Variants in BCL2L14 observed in about 807,000 individuals in gnomAD.
BCL2L14 encodes apoptosis facilitator Bcl-2-like protein 14.
BCL2L14 carries 27 observed loss-of-function variants against 35.3 expected under a neutral mutation model. That is an observed-to-expected ratio of 0.76 (90% confidence interval 0.56 to 1.05). BCL2L14 has a LOEUF of 1.05. Among genes scored for constraint, BCL2L14 ranks in the 50% least tolerant of loss-of-function variants. The pLI is 0.00. For synonymous variants in BCL2L14, 139 were observed against 145.9 expected (o/e 0.95, Z 0.34); for missense variants, 377 against 382.6 (o/e 0.99, Z 0.12).
chr12:12,053,706 T>C (rs1298399485), intron 2 of BCL2L14, among the ~76,000 whole-genome samples: 1 of 152,162 alleles, frequency 6.6e-6, no homozygotes, highest in Non-Finnish European at 1.5e-5. Context: ...TGAGCCACCA[T>C]GCCCAGCCGG....
At chr12:12,066,364 C>T (rs141169808), upstream of BCL2L14, among the ~76,000 whole-genome samples, 1 of 152,258 alleles carries the variant, frequency 6.6e-6, no homozygotes, top group Non-Finnish European at 1.5e-5. Context: ...ATCTGGTGTC[C>T]ACTCTAAAAT....
intron 2 of BCL2L14, among the ~76,000 whole-genome samples, chr12:12,062,033 AGTG>A (rs1487425375): frequency 6.6e-6 from 1 of 152,100 alleles, no homozygotes; most frequent in Admixed American, 6.5e-5. Context: ...GTCTCCGTGC[AGTG>A]GCTGCTGCCG....
At chr12:12,085,525 T>A (rs1949023047) in intron 2 of BCL2L14, among the ~76,000 whole-genome samples, 1 of 152,342 alleles carries the variant, frequency 6.6e-6, no homozygotes, top group South Asian at 2.1e-4. Context: ...AAGACATTGA[T>A]CCTTTTCTTC....
intron 2 of BCL2L14, among the ~76,000 whole-genome samples, chr12:12,063,110 A>G (rs903762077): frequency 1.3e-5 from 2 of 151,698 alleles, no homozygotes; most frequent in Non-Finnish European, 2.9e-5. Context: ...TGCCCCAAAA[A>G]ACTTGTCATC....
At chr12:12,085,828 C>G (rs1336070314) in intron 2 of BCL2L14, among the ~76,000 whole-genome samples, 1 of 152,174 alleles carries the variant, frequency 6.6e-6, no homozygotes, top group Non-Finnish European at 1.5e-5. Flanking sequence ...ACTTGCCTCT[C>G]TTACCTCCAG....
chr12:12,080,619 CAAA>C (rs36081910), intron 2 of BCL2L14, among the ~76,000 whole-genome samples: 13 of 95,366 alleles, frequency 1.4e-4, no homozygotes, highest in Non-Finnish European at 1.4e-4. Context: ...GACTTTGTCT[CAAA>C]AAAAAAAAAA....
In BCL2L14 at chr12:12,094,659, C is replaced by A; in HGVS notation, c.679-5C>A. ...TGTACTGAGTGCTTATTCTTTTGTA[C>A]ACAGCTGAAGAAAGATAAGGCTTTG... On this transcript the variant is annotated splice_region_variant and splice_polypyrimidine_tract_variant and intron_variant, in intron 4 of 5. Transcript: ENST00000308721. The A allele has an allele frequency of 1.2e-6, 2 of 1,614,120 alleles. No individual in the cohort carries two copies. Among genetic ancestry groups the A allele is most frequent in the Non-Finnish European group, 1.7e-6 (2 of 1,179,994 alleles).
chr12:12,080,656 G>T (rs1948900200), intron 2 of BCL2L14, among the ~76,000 whole-genome samples: 1 of 151,842 alleles, frequency 6.6e-6, no homozygotes, highest in South Asian at 2.1e-4. Flanking sequence ...CCTAACCAGG[G>T]GCTTGCTTGG....
At chr12:12,089,555 G>A (rs1252459048) in intron 3 of BCL2L14, among the ~76,000 whole-genome samples, 4 of 151,352 alleles carry the variant, frequency 2.6e-5, no homozygotes, top group Non-Finnish European at 4.4e-5. Flanking sequence ...AAAATTAGCC[G>A]GGTGTGGTGG....
chr12:12,083,221 C>G (rs1056861836), intron 2 of BCL2L14, among the ~76,000 whole-genome samples: 6 of 152,178 alleles, frequency 3.9e-5, no homozygotes, highest in African/African-American at 1.4e-4. Context: ...GCCTCAGCCT[C>G]CCAAAGTGCT....
intron 2 of BCL2L14, among the ~76,000 whole-genome samples, chr12:12,065,793 TA>T (rs1344817959): frequency 1.3e-5 from 2 of 148,438 alleles, no homozygotes; most frequent in Non-Finnish European, 3.0e-5. Context: ...TCTTTGTTTC[TA>T]TTTTTTTTTT....
chr12:12,065,947 T>A (rs1416123344), upstream of BCL2L14, among the ~76,000 whole-genome samples: 7 of 152,186 alleles, frequency 4.6e-5, no homozygotes, highest in East Asian at 7.7e-4. Flanking sequence ...CCCACCACCA[T>A]GCCCAGCTAA....
At chr12:12,050,219 A>C (rs1288609438) in intron 1 of BCL2L14, among the ~76,000 whole-genome samples, 3 of 152,076 alleles carry the variant, frequency 2.0e-5, no homozygotes, top group African/African-American at 7.2e-5. Context: ...GGTGGGGTTC[A>C]ATAGGAGGCC....
intron 5 of BCL2L14, among the ~76,000 whole-genome samples, chr12:12,097,082 T>C (rs1171500983): frequency 1.3e-5 from 2 of 152,058 alleles, no homozygotes; most frequent in African/African-American, 2.4e-5. Flanking sequence ...GAGGCGGAGC[T>C]TGCAGTGAGC....
rs1279814599 is a variant in BCL2L14, at chr12:12,073,766, G to A, written c.-8+2629G>A. On this transcript the variant is annotated intron_variant, in intron 1 of 5. Coordinates refer to ENST00000308721, the MANE Select transcript of BCL2L14 (RefSeq NM_138723.2). ...CCTGAAGGACCAGGGTGCACATCTG[G>A]CCTGCAGTGCCCTGAGCCACTCTGT... Among the ~76,000 whole-genome samples, 5 of 152,216 alleles carry A rather than the reference G, an allele frequency of 3.3e-5. No individual in the cohort carries two copies. The East Asian group carries it at 5.8e-4, about 18-fold the overall frequency.
intron 2 of BCL2L14, among the ~76,000 whole-genome samples, chr12:12,065,825 T>C (rs892944383): frequency 3.3e-5 from 5 of 151,152 alleles, no homozygotes; most frequent in African/African-American, 1.2e-4. Flanking sequence ...GAAGTCTCGC[T>C]CTGTTGCCCA....
At chr12:12,088,540 AGCTT>A (rs1280818705) in intron 3 of BCL2L14, among the ~76,000 whole-genome samples, 4 of 152,182 alleles carry the variant, frequency 2.6e-5, no homozygotes, top group Non-Finnish European at 5.9e-5. Context: ...GCAAGCTTTT[AGCTT>A]GCTTGTCTAT....
At chr12:12,092,276 C>A (rs998402635) in intron 4 of BCL2L14, among the ~76,000 whole-genome samples, 1 of 152,222 alleles carries the variant, frequency 6.6e-6, no homozygotes, top group African/African-American at 2.4e-5. Context: ...CCACAAATTA[C>A]CACTTTCAAA....
intron 2 of BCL2L14, among the ~76,000 whole-genome samples, chr12:12,054,381 G>A (rs1948400048): frequency 6.6e-6 from 1 of 151,904 alleles, no homozygotes; most frequent in Non-Finnish European, 1.5e-5. Flanking sequence ...GCAGGTGCCT[G>A]TAATCCCAGT....
Sources: gnomAD v4.1 joint callset for allele counts (sites outside exome capture counted in the v4.1 genomes callset) on GRCh38, gnomAD v4.1.1 for gene constraint, MANE v1.5 for transcripts, NCBI Gene and HGNC (gene_info 2026-07-23, HGNC 2026-07-21) for gene names.